BRD10: variants seen among roughly 807,000 people sequenced by gnomAD.
BRD10 encodes bromodomain containing 10, also known as uncharacterized bromodomain-containing protein 10.
chr9:5,989,202 A>T, the BRD10 span, among the ~76,000 whole-genome samples: 1 of 142,752 alleles, frequency 7.0e-6, no homozygotes, highest in Non-Finnish European at 1.5e-5. Context: ...ACTGCACTCC[A>T]GCCTGGGCAA....
chr9:5,928,811 C>G, the BRD10 span, among the ~76,000 whole-genome samples: 11 of 148,056 alleles, frequency 7.4e-5, 1 homozygote, highest in East Asian at 2.0e-3. Flanking sequence ...TTTTTGCCAT[C>G]TGACATTTGA....
the BRD10 span, among the ~76,000 whole-genome samples, chr9:5,975,642 C>T: frequency 6.6e-6 from 1 of 151,766 alleles, no homozygotes; most frequent in African/African-American, 2.4e-5. Context: ...TTAGACACGG[C>T]AGAAGAAAAG....
At chr9:5,921,824 T>G in the BRD10 span, 82 of 1,613,902 alleles carry the variant, frequency 5.1e-5, no homozygotes, top group South Asian at 8.1e-4. Context: ...AGAGGGCATG[T>G]GTGAAGTTTT....
At chr9:5,918,444 G>A in the BRD10 span, among the ~76,000 whole-genome samples, 30 of 152,196 alleles carry the variant, frequency 2.0e-4, no homozygotes, top group African/African-American at 5.8e-4. Context: ...TCTTGGGTGC[G>A]GTGGCTCATG....
At chr9:5,982,587 G>A in the BRD10 span, among the ~76,000 whole-genome samples, 2 of 152,274 alleles carry the variant, frequency 1.3e-5, no homozygotes, top group South Asian at 2.1e-4. Flanking sequence ...GTGCAGTTTC[G>A]GGACTCTGCA....
chr9:5,879,983 G>C, the BRD10 span, among the ~76,000 whole-genome samples: 5 of 152,142 alleles, frequency 3.3e-5, no homozygotes, highest in Non-Finnish European at 5.9e-5. Context: ...GCAGTGGTAT[G>C]ATCTCAGCTC....
At chr9:5,935,091 T>C in the BRD10 span, among the ~76,000 whole-genome samples, 2 of 152,164 alleles carry the variant, frequency 1.3e-5, no homozygotes, top group Admixed American at 6.5e-5. Flanking sequence ...ATTTTGACAG[T>C]ATAATACATA....
the BRD10 span, chr9:5,988,322 T>A: frequency 3.9e-3 from 6,162 of 1,579,498 alleles, 108 homozygotes; most frequent in African/African-American, 0.045. Context: ...GCTGAAATTA[T>A]GAATTTTTTT....
At chr9:5,978,426 A>C in the BRD10 span, among the ~76,000 whole-genome samples, 1 of 151,710 alleles carries the variant, frequency 6.6e-6, no homozygotes, top group East Asian at 1.9e-4. Context: ...TTTAAGAAAT[A>C]ATAAAATGTA....
the BRD10 span, among the ~76,000 whole-genome samples, chr9:5,897,154 A>G: frequency 6.6e-6 from 1 of 152,266 alleles, no homozygotes; most frequent in Non-Finnish European, 1.5e-5. Context: ...TTAGTAGATG[A>G]GTCAGTGTTA....
the BRD10 span, among the ~76,000 whole-genome samples, chr9:5,958,738 T>C: frequency 6.6e-6 from 1 of 152,188 alleles, no homozygotes. Flanking sequence ...CCCTCTGTAC[T>C]TTCGCCTTAG....
chr9:5,990,981 G>A, the BRD10 span, among the ~76,000 whole-genome samples: 5 of 152,068 alleles, frequency 3.3e-5, no homozygotes, highest in Non-Finnish European at 7.4e-5. Flanking sequence ...TTCAATATGA[G>A]ACAGATTAAA....
At chr9:5,882,432 C>G in the BRD10 span, among the ~76,000 whole-genome samples, 1 of 152,194 alleles carries the variant, frequency 6.6e-6, no homozygotes, top group Non-Finnish European at 1.5e-5. Flanking sequence ...AATGGAGTCA[C>G]TAATGTTAAG....
chr9:5,923,281 A>G, the BRD10 span: 2 of 1,609,684 alleles, frequency 1.2e-6, no homozygotes, highest in Non-Finnish European at 8.5e-7. Flanking sequence ...TAGCCATAGG[A>G]AAATCTATTT....
chr9:5,980,741 T>G, the BRD10 span, among the ~76,000 whole-genome samples: 1 of 152,146 alleles, frequency 6.6e-6, no homozygotes, highest in Non-Finnish European at 1.5e-5. Flanking sequence ...TCTGCCCAGA[T>G]GATCAGCTGT....
chr9:5,908,166 T>C, the BRD10 span, among the ~76,000 whole-genome samples: 2 of 152,140 alleles, frequency 1.3e-5, no homozygotes, highest in Admixed American at 1.3e-4. Context: ...TTCTGTAACA[T>C]GAAAATAATA....
chr9:5,968,556 T>G, the BRD10 span: 437 of 1,613,922 alleles, frequency 2.7e-4, 1 homozygote, highest in African/African-American at 5.2e-3. Context: ...TCAACAGAGA[T>G]GTCATGATTA....
chr9:5,907,147 C>A, the BRD10 span: 12 of 411,500 alleles, frequency 2.9e-5, no homozygotes, highest in Non-Finnish European at 5.2e-5. Context: ...AAAATGGCAA[C>A]TTTTATGTGT....
At chr9:5,988,333 C>T in the BRD10 span, 1,493,890 of 1,569,366 alleles carry the variant, frequency 0.95, 715,670 homozygotes, top group Non-Finnish European at 0.99. Context: ...GAATTTTTTT[C>T]TTAACATTTA....
Sources: allele counts gnomAD v4.1 joint callset (sites outside exome capture counted in the v4.1 genomes callset), GRCh38; gene constraint gnomAD v4.1.1; transcripts MANE v1.5; gene names NCBI Gene and HGNC (gene_info 2026-07-23, HGNC 2026-07-21).